The following IGF2BP3 variants were observed in gnomAD, a reference collection of about 807,000 sequenced individuals.
The protein encoded by IGF2BP3 is insulin like growth factor 2 mRNA binding protein 3.
A neutral mutation model predicts 73.8 loss-of-function variants in IGF2BP3; 9 were observed. The observed-to-expected ratio is 0.12, with a 90% CI of 0.07 to 0.21. IGF2BP3 has a LOEUF of 0.21. IGF2BP3 is among the 10% of genes least tolerant of loss of function. The probability of loss-of-function intolerance (pLI) is 1.00; values close to 1 mark genes in which losing one functional copy is unlikely to be tolerated. For missense variants in IGF2BP3, 542 were observed against 714.0 expected (o/e 0.76, Z 2.75); for synonymous variants, 258 against 256.7 (o/e 1.01, Z -0.05).
intron 2 of IGF2BP3, among the ~76,000 whole-genome samples, chr7:23,454,214 T>C (rs995626792): frequency 6.6e-6 from 1 of 152,180 alleles, no homozygotes; most frequent in African/African-American, 2.4e-5. Context: ...TTCTACCTCT[T>C]TGGAATTAGG....
At chr7:23,396,730 G>C (rs1786486958) in intron 3 of IGF2BP3, among the ~76,000 whole-genome samples, 1 of 152,086 alleles carries the variant, frequency 6.6e-6, no homozygotes, top group Non-Finnish European at 1.5e-5. Context: ...ATGGATTCTT[G>C]GCAAAGAAAA....
At chr7:23,320,142 C>T (rs994092732) in intron 10 of IGF2BP3, among the ~76,000 whole-genome samples, 1 of 151,660 alleles carries the variant, frequency 6.6e-6, no homozygotes, top group Non-Finnish European at 1.5e-5. Flanking sequence ...GAACTCCTGA[C>T]CTCAAATGAT....
At chr7:23,353,845 G>T (rs1785027218) in intron 5 of IGF2BP3, among the ~76,000 whole-genome samples, 2 of 152,034 alleles carry the variant, frequency 1.3e-5, no homozygotes, top group South Asian at 4.1e-4. Flanking sequence ...TTTTCTTAAG[G>T]GAATGTGGAT....
chr7:23,372,704 C>T (rs1229964748), intron 3 of IGF2BP3, among the ~76,000 whole-genome samples: 3 of 152,176 alleles, frequency 2.0e-5, no homozygotes, highest in Non-Finnish European at 2.9e-5. Flanking sequence ...CCCTGAAGGC[C>T]GTGTTCCACT....
chr7:23,337,970 G>C (rs1784614663), intron 10 of IGF2BP3, among the ~76,000 whole-genome samples: 1 of 152,150 alleles, frequency 6.6e-6, no homozygotes, highest in South Asian at 2.1e-4. Context: ...TTCCAGCCTT[G>C]GATTGTCTAC....
At position 23,408,550 on chromosome 7, in the gene IGF2BP3, G is replaced by C. The variant is rs947996217; in HGVS notation, c.285+10226C>G. On this transcript the variant is annotated intron_variant, in intron 3 of 14. Transcript: ENST00000258729. ...AGTTAGAACACACTTGGGCACTGTT[G>C]GTAGAAATGTAAAACAGTACAGCTG... Among the ~76,000 whole-genome samples the C allele has an allele frequency of 3.9e-5, 6 of 152,136 alleles. No individual in the cohort carries two copies. In the South Asian group the frequency reaches 6.2e-4, roughly 16 times the overall value.
At chr7:23,417,494 A>C (rs1216326843) in intron 3 of IGF2BP3, among the ~76,000 whole-genome samples, 1 of 152,234 alleles carries the variant, frequency 6.6e-6, no homozygotes, top group Non-Finnish European at 1.5e-5. Context: ...CTAAATTTGA[A>C]GAGATTATGA....
intron 2 of IGF2BP3, among the ~76,000 whole-genome samples, chr7:23,439,649 A>AAC (rs754128113): frequency 6.6e-6 from 1 of 152,178 alleles, no homozygotes; most frequent in Non-Finnish European, 1.5e-5. Flanking sequence ...GTGATTACAC[A>AAC]ACACACACTA....
intron 5 of IGF2BP3, among the ~76,000 whole-genome samples, chr7:23,359,993 C>T (rs975307560): frequency 7.9e-5 from 12 of 151,482 alleles, no homozygotes; most frequent in African/African-American, 2.9e-4. Flanking sequence ...AGAAGAAATA[C>T]AGAATGTGTT....
intron 5 of IGF2BP3, among the ~76,000 whole-genome samples, chr7:23,355,090 C>T (rs1046474976): frequency 6.6e-6 from 1 of 152,164 alleles, no homozygotes; most frequent in Non-Finnish European, 1.5e-5. Flanking sequence ...TTTCACCAAA[C>T]CCACCGTAGA....
intron 2 of IGF2BP3, among the ~76,000 whole-genome samples, chr7:23,462,501 A>C (rs927565092): frequency 6.6e-6 from 1 of 152,078 alleles, no homozygotes. Flanking sequence ...AGCTGGGACT[A>C]AAGGCGACCG....
intron 6 of IGF2BP3, among the ~76,000 whole-genome samples, chr7:23,347,998 G>C (rs561619181): frequency 6.6e-6 from 1 of 152,170 alleles, no homozygotes; most frequent in Non-Finnish European, 1.5e-5. Flanking sequence ...TGTGCTTACA[G>C]CTTCCTTTCA....
At position 23,383,160 on chromosome 7, in the gene IGF2BP3, A is replaced by C. The variant is rs982758971; in HGVS notation, c.286-21419T>G. Among the ~76,000 whole-genome samples the C allele has an allele frequency of 7.2e-5, 11 of 152,202 alleles. 1 individual carries two copies. Among genetic ancestry groups the C allele is most frequent in the African/African-American group, 2.4e-4 (10 of 41,456 alleles). ...ACTAGTTTATCAAAATAATCTAATT[A>C]TTTATTAAATACAGGGAATAGTGAT... On this transcript the variant is annotated intron_variant, in intron 3 of 14. Coordinates refer to ENST00000258729, the MANE Select transcript of IGF2BP3 (RefSeq NM_006547.3).
intron 2 of IGF2BP3, among the ~76,000 whole-genome samples, chr7:23,421,349 A>G (rs963326348): frequency 8.2e-6 from 1 of 121,248 alleles, no homozygotes; most frequent in East Asian, 2.1e-4. Context: ...ACCCTAATAA[A>G]AAGATTTATA....
Position 23,332,588 on chromosome 7 carries a change from T to C in IGF2BP3, c.1203+9476A>G, listed in dbSNP as rs537809128. 2.0e-4 allele frequency among the ~76,000 whole-genome samples: 31 copies of C among 152,342 alleles called. 1 individual carries two copies. Among genetic ancestry groups the C allele is most frequent in the African/African-American group, 6.7e-4 (28 of 41,580 alleles). On this transcript the variant is annotated intron_variant, in intron 10 of 14. Coordinates refer to ENST00000258729, the MANE Select transcript of IGF2BP3 (RefSeq NM_006547.3). ...AGCTTGGCCAGATCACTTCTGTTTC[T>C]CTTCACCAACAAAGAACACAAAATA...
chr7:23,409,385 T>C (rs185265838), intron 3 of IGF2BP3, among the ~76,000 whole-genome samples: 23 of 152,374 alleles, frequency 1.5e-4, no homozygotes, highest in African/African-American at 4.8e-4. Flanking sequence ...AGCAGAATTT[T>C]TGTGTATAGA....
At chr7:23,413,910 T>C (rs917399141) in intron 3 of IGF2BP3, 1 of 152,266 alleles carries the variant, frequency 6.6e-6, no homozygotes, top group Non-Finnish European at 1.5e-5. Flanking sequence ...CCCAGCACTG[T>C]GGGAGGCCAA....
intron 7 of IGF2BP3, 99 bp downstream of exon 7, chr7:23,347,501 C>T: frequency 2.3e-6 from 3 of 1,283,408 alleles, no homozygotes; most frequent in South Asian, 2.7e-5. Context: ...ATATCATTTC[C>T]CTCTGTTTGT....
intron 3 of IGF2BP3, among the ~76,000 whole-genome samples, chr7:23,390,394 T>A (rs919273594): frequency 2.6e-5 from 4 of 151,818 alleles, no homozygotes; most frequent in African/African-American, 7.3e-5. Context: ...AAAATCAGTT[T>A]GAAGCCAAAA....
Sources: allele counts gnomAD v4.1 joint callset (sites outside exome capture counted in the v4.1 genomes callset), GRCh38; gene constraint gnomAD v4.1.1; transcripts MANE v1.5; gene names NCBI Gene and HGNC (gene_info 2026-07-23, HGNC 2026-07-21).